Variants in CD302 observed in about 807,000 individuals in gnomAD.
CD302 encodes CD302 antigen.
Under a neutral mutation model 26.5 loss-of-function variants are expected in CD302, and 23 were observed. The ratio of observed to expected loss-of-function variants is 0.87; its 90% CI spans 0.62 to 1.23. The LOEUF is 1.23. Ranked by LOEUF, CD302 falls within the 50% of genes most tolerant of loss-of-function variation. The probability of loss-of-function intolerance (pLI) is 0.00; values close to 1 mark genes in which losing one functional copy is unlikely to be tolerated. For synonymous variants in CD302, 90 were observed against 99.4 expected, an observed-to-expected ratio of 0.91 and a Z score of 0.56; for missense variants, 290 against 275.5, an observed-to-expected ratio of 1.05 and a Z score of -0.37.
At chr2:159,776,188 C>G (rs1004096986) in intron 5 of CD302, among the ~76,000 whole-genome samples, 1 of 151,770 alleles carries the variant, frequency 6.6e-6, no homozygotes, top group East Asian at 1.9e-4. Context: ...TAATGTCCTT[C>G]AGGTTTATGC....
intron 1 of CD302, among the ~76,000 whole-genome samples, chr2:159,791,926 T>C (rs1037149794): frequency 6.6e-6 from 1 of 152,220 alleles, no homozygotes; most frequent in Non-Finnish European, 1.5e-5. Context: ...GGAAGACAAA[T>C]ACATAAAATA....
In CD302 at chr2:159,777,920, G is replaced by A. The variant is rs190205452; in HGVS notation, c.496+18C>T. 14 of 1,018,060 alleles carry A rather than the reference G, an allele frequency of 1.4e-5. No homozygotes were observed. The highest frequency in any genetic ancestry group is 9.9e-6 in the Non-Finnish European group (7 of 704,692). The allele number at this position is 1,018,060 out of a possible 1,614,324, so 63.1% of individuals were successfully genotyped here. A position where few individuals can be genotyped will look rare whatever the true frequency, so the allele number is the denominator to read the frequency against. On this transcript the variant is annotated intron_variant, in intron 5 of 5. Transcript: ENST00000259053. ...TTTTTAATTGTGGGAAAAATTTAAAGACCAAATCATTACTTACCTGATAAA... is the reference window on the plus strand; with the variant it reads ...TTTTTAATTGTGGGAAAAATTTAAAAACCAAATCATTACTTACCTGATAAA...
intron 4 of CD302, among the ~76,000 whole-genome samples, chr2:159,779,404 C>T (rs946880762): frequency 6.6e-6 from 1 of 152,088 alleles, no homozygotes; most frequent in Non-Finnish European, 1.5e-5. Context: ...TACATGATTA[C>T]TCTTCACCAC....
intron 2 of CD302, 130 bp from the exon 3 acceptor site, chr2:159,781,128 T>C: frequency 1.4e-6 from 1 of 703,942 alleles, no homozygotes; most frequent in East Asian, 2.8e-5. Context: ...ACTTTGATCT[T>C]ACAGTTCATA....
intron 1 of CD302, among the ~76,000 whole-genome samples, chr2:159,797,732 G>C (rs961083135): frequency 5.3e-5 from 8 of 152,288 alleles, no homozygotes; most frequent in African/African-American, 1.9e-4. Flanking sequence ...CCGCGCACCA[G>C]CAGGGGAAAT....
intron 3 of CD302, 97 bp downstream of exon 3, chr2:159,780,785 A>T: frequency 8.9e-7 from 1 of 1,118,630 alleles, no homozygotes; most frequent in Admixed American, 2.0e-5. Context: ...AGGCCACAGG[A>T]ATCATCAACT....
In CD302 at chr2:159,788,676, ATTTTCT is replaced by A. The variant is rs1326799238; in HGVS notation, c.68-5213_68-5208del. 1.3e-5 allele frequency among the ~76,000 whole-genome samples: 2 copies of A among 151,680 alleles called. 1 individual carries two copies. The highest frequency in any genetic ancestry group is 2.9e-5 in the Non-Finnish European group (2 of 67,942). ...TTTCCCCCTTCTTGCTGCTTTCAAG[ATTTTCT>A]TTGTCTTCGGTTTTTAGCAGTTTTA... On this transcript the variant is annotated intron_variant, in intron 1 of 5. Transcript: ENST00000259053.
chr2:159,770,039 A>T lies in CD302; in HGVS notation c.*1812T>A, dbSNP rs1574479391. 6.6e-6 allele frequency: 1 copy of T among 152,154 alleles called. No individual in the cohort carries two copies. The highest frequency in any genetic ancestry group is 1.9e-4 in the East Asian group (1 of 5,196). 9.4% of individuals were successfully genotyped at this position (152,154 alleles called of 1,614,324 possible). A position where few individuals can be genotyped will look rare whatever the true frequency, so the allele number is the denominator to read the frequency against. ...GTAGACGTTTGAGACTGTTGGTTTT[A>T]AGTTGGACTTAATCACTTTCCTACC... On this transcript the variant is annotated 3_prime_UTR_variant, in exon 6 of 6. Coordinates refer to ENST00000259053, the MANE Select transcript of CD302 (RefSeq NM_014880.5).
intron 1 of CD302, among the ~76,000 whole-genome samples, chr2:159,788,673 A>AAGAT (rs1708730197): frequency 6.6e-6 from 1 of 152,120 alleles, no homozygotes; most frequent in Admixed American, 6.5e-5. Flanking sequence ...TGCTGCTTTC[A>AAGAT]AGATTTTCTT....
At chr2:159,777,864 A>G (rs1209030053) in intron 5 of CD302, 74 bp downstream of exon 5, 22 of 736,740 alleles carry the variant, frequency 3.0e-5, no homozygotes, top group Non-Finnish European at 4.4e-5. Flanking sequence ...GGGATCTGTA[A>G]TGTATTTTAA....
chr2:159,795,501 C>T (rs1384938371), intron 1 of CD302, among the ~76,000 whole-genome samples: 1 of 152,140 alleles, frequency 6.6e-6, no homozygotes, highest in African/African-American at 2.4e-5. Flanking sequence ...GTAAGAGAAG[C>T]AACAAGCAAG....
At chr2:159,794,535 T>A (rs1437736825) in intron 1 of CD302, among the ~76,000 whole-genome samples, 4 of 150,902 alleles carry the variant, frequency 2.7e-5, no homozygotes, top group Non-Finnish European at 5.9e-5. Context: ...TATTTATTTA[T>A]TTATTTATTT....
chr2:159,778,476 C>T (rs372941398), intron 4 of CD302, among the ~76,000 whole-genome samples: 6 of 152,068 alleles, frequency 3.9e-5, no homozygotes, highest in African/African-American at 9.7e-5. Context: ...AAAACTATGA[C>T]GAACATTTTG....
At position 159,771,853 on chromosome 2, in the gene CD302, A is replaced by G. The variant is rs772617296; in HGVS notation, c.697T>C (p.Ter233GlnextTer23). 6.2e-7 allele frequency: 1 copy of G among 1,613,636 alleles called. No individual in the cohort carries two copies. Among genetic ancestry groups the G allele is most frequent in the Non-Finnish European group, 8.5e-7 (1 of 1,179,598 alleles). The change falls in exon 6 of 6, where the codon TAA (stop) becomes CAA (glutamine). Residue 233 changes from the stop codon to glutamine (Q), a stop_lost. Transcript: ENST00000259053. ...EENEYPVQFD[*>Q] ...CTTAGTGCAAGATTACCAAAAACTTAGTCAAATTGAACAGGATATTCATTT... is the reference window on the plus strand; with the variant it reads ...CTTAGTGCAAGATTACCAAAAACTTGGTCAAATTGAACAGGATATTCATTT...
chr2:159,773,687 CAA>C lies in CD302; in HGVS notation c.497-1636_497-1635del, dbSNP rs561925677. Among the ~76,000 whole-genome samples, 25 of 152,186 alleles carry C rather than the reference CAA, an allele frequency of 1.6e-4. No individual in the cohort carries two copies. In the South Asian group the frequency reaches 5.2e-3, roughly 32 times the overall value. Reference sequence around the variant, plus strand: ...AGCTGCATACTACTAAAATGTGTGACAAAGTCAATTGTCAAGGCAACTGATAA... The same window carrying C: ...AGCTGCATACTACTAAAATGTGTGACAGTCAATTGTCAAGGCAACTGATAA... On this transcript the variant is annotated intron_variant, in intron 5 of 5. Coordinates refer to ENST00000259053, the MANE Select transcript of CD302 (RefSeq NM_014880.5).
intron 2 of CD302, among the ~76,000 whole-genome samples, chr2:159,782,443 A>AT (rs1036829527): frequency 6.0e-5 from 8 of 132,922 alleles, no homozygotes; most frequent in Non-Finnish European, 1.1e-4. Context: ...AAAAAAAGAC[A>AT]TTTTTTTGGC....
At chr2:159,798,058 A>G in intron 1 of CD302, 74 bp downstream of exon 1, 2 of 1,390,656 alleles carry the variant, frequency 1.4e-6, no homozygotes, top group African/African-American at 1.5e-5. Context: ...GTGCGCGGGG[A>G]CGAAGAGCGT....
chr2:159,795,251 G>A (rs1574506030), intron 1 of CD302, among the ~76,000 whole-genome samples: 1 of 151,230 alleles, frequency 6.6e-6, no homozygotes, highest in Non-Finnish European at 1.5e-5. Context: ...AGAAAGAAAA[G>A]GTGGCAGCAA....
At chr2:159,787,151 G>A (rs1027728880) in intron 1 of CD302, among the ~76,000 whole-genome samples, 2 of 152,188 alleles carry the variant, frequency 1.3e-5, no homozygotes, top group Non-Finnish European at 2.9e-5. Flanking sequence ...GAGTACCTTT[G>A]TAGAAGTAGA....
Sources: allele counts gnomAD v4.1 joint callset (sites outside exome capture counted in the v4.1 genomes callset), GRCh38; gene constraint gnomAD v4.1.1; transcripts MANE v1.5; gene names NCBI Gene and HGNC (gene_info 2026-07-23, HGNC 2026-07-21).